Variants in TAFA1 observed in about 807,000 individuals in gnomAD.
TAFA1 encodes chemokine-like protein TAFA-1.
Under a neutral mutation model 18.5 loss-of-function variants are expected in TAFA1, and 4 were observed. The ratio of observed to expected loss-of-function variants is 0.22; its 90% CI spans 0.11 to 0.49. The LOEUF (loss-of-function observed/expected upper bound fraction) is 0.49, where lower values mean the gene tolerates loss of function less well. Among genes scored for constraint, TAFA1 ranks in the 20% least tolerant of loss-of-function variants. The pLI is 0.98. For synonymous variants in TAFA1, 56 were observed against 55.2 expected (o/e 1.01, Z -0.06); for missense variants, 147 against 169.0 (o/e 0.87, Z 0.72).
At chr3:68,447,135 G>A (rs1288278214) in intron 3 of TAFA1, among the ~76,000 whole-genome samples, 1 of 152,148 alleles carries the variant, frequency 6.6e-6, no homozygotes, top group African/African-American at 2.4e-5. Flanking sequence ...AAGTGAGCTA[G>A]CATTTGTTAA....
At chr3:68,059,250 C>T (rs1367842990) in intron 2 of TAFA1, among the ~76,000 whole-genome samples, 1 of 152,028 alleles carries the variant, frequency 6.6e-6, no homozygotes, top group Non-Finnish European at 1.5e-5. Flanking sequence ...ACTAATCACA[C>T]ACTAATCACA....
At chr3:68,316,684 A>T (rs538109251) in intron 2 of TAFA1, among the ~76,000 whole-genome samples, 6 of 152,306 alleles carry the variant, frequency 3.9e-5, no homozygotes, top group African/African-American at 1.4e-4. Flanking sequence ...CACTTTGTAC[A>T]TGCCTGATGC....
intron 2 of TAFA1, among the ~76,000 whole-genome samples, chr3:68,221,617 G>T (rs1382626157): frequency 6.6e-6 from 1 of 151,946 alleles, no homozygotes; most frequent in Non-Finnish European, 1.5e-5. Context: ...AGAACAACTG[G>T]GGTAAAATTT....
chr3:68,050,959 T>G (rs2064464198), intron 2 of TAFA1, among the ~76,000 whole-genome samples: 1 of 152,184 alleles, frequency 6.6e-6, no homozygotes, highest in Non-Finnish European at 1.5e-5. Flanking sequence ...TACAGCTGCA[T>G]AATGTGAGAA....
chr3:68,539,688 T>TGGG (rs1184533157), intron 4 of TAFA1, among the ~76,000 whole-genome samples: 9 of 12,452 alleles, frequency 7.2e-4, no homozygotes, highest in African/African-American at 3.5e-3. Context: ...TGGGGGGGCA[T>TGGG]GGGGTGGGTG....
intron 3 of TAFA1, among the ~76,000 whole-genome samples, chr3:68,420,208 A>G (rs1365334715): frequency 6.6e-6 from 1 of 152,156 alleles, no homozygotes; most frequent in African/African-American, 2.4e-5. Context: ...CAGAGGAGCA[A>G]GCTTATGTGG....
intron 3 of TAFA1, among the ~76,000 whole-genome samples, chr3:68,510,059 C>T (rs1400851982): frequency 1.3e-5 from 2 of 152,198 alleles, no homozygotes; most frequent in Middle Eastern, 3.4e-3. Context: ...AATGGTCTGT[C>T]CCCATCTCTT....
intron 2 of TAFA1, among the ~76,000 whole-genome samples, chr3:68,176,446 C>T (rs2066127503): frequency 6.6e-6 from 1 of 152,188 alleles, no homozygotes; most frequent in Non-Finnish European, 1.5e-5. Context: ...TGCACCACTG[C>T]ACTCCAGCCT....
chr3:68,255,808 T>C (rs911546202), intron 2 of TAFA1, among the ~76,000 whole-genome samples: 2 of 152,114 alleles, frequency 1.3e-5, no homozygotes, highest in Non-Finnish European at 2.9e-5. Flanking sequence ...GATGGGCTAA[T>C]AGGAAGTGGA....
intron 2 of TAFA1, among the ~76,000 whole-genome samples, chr3:68,270,334 A>G (rs562019742): frequency 4.5e-4 from 69 of 152,232 alleles, no homozygotes; most frequent in African/African-American, 1.6e-3. Flanking sequence ...ATAGCTTCTA[A>G]TATTTTGAGA....
chr3:68,081,273 T>C lies in TAFA1; in HGVS notation c.118+74529T>C, dbSNP rs2064895551. ...TTTGGTTTGAATGTCCTCCCATAGCTCAGAGTAATTTGATCGTCTGAAGCC... is the reference window on the plus strand; with the variant it reads ...TTTGGTTTGAATGTCCTCCCATAGCCCAGAGTAATTTGATCGTCTGAAGCC... On this transcript the variant is annotated intron_variant, in intron 2 of 4. Transcript: ENST00000478136. 3.9e-5 allele frequency among the ~76,000 whole-genome samples: 6 copies of C among 152,254 alleles called. No individual in the cohort carries two copies. In the South Asian group the frequency reaches 1.2e-3, roughly 32 times the overall value.
At chr3:68,539,690 GGGT>G (rs1559711700) in intron 4 of TAFA1, among the ~76,000 whole-genome samples, 7 of 95,292 alleles carry the variant, frequency 7.3e-5, no homozygotes, top group Non-Finnish European at 1.1e-4. Flanking sequence ...GGGGGGCATG[GGGT>G]GGGTGGGTGG....
At chr3:68,079,263 G>C (rs74685871) in intron 2 of TAFA1, among the ~76,000 whole-genome samples, 45 of 152,108 alleles carry the variant, frequency 3.0e-4, no homozygotes, top group Non-Finnish European at 5.1e-4. Context: ...CAAAAAACCA[G>C]CTCCTGGATT....
intron 2 of TAFA1, among the ~76,000 whole-genome samples, chr3:68,079,457 T>C (rs1258174817): frequency 6.6e-6 from 1 of 152,232 alleles, no homozygotes; most frequent in Non-Finnish European, 1.5e-5. Context: ...TTTAATGCTA[T>C]AAATTTCCCT....
intron 2 of TAFA1, among the ~76,000 whole-genome samples, chr3:68,308,809 ACACT>A (rs1257648617): frequency 4.2e-4 from 64 of 152,230 alleles, no homozygotes; most frequent in African/African-American, 1.5e-3. Flanking sequence ...AAACACACAC[ACACT>A]CACTCACTCA....
At chr3:68,107,089 G>T (rs1211195169) in intron 2 of TAFA1, among the ~76,000 whole-genome samples, 1 of 152,130 alleles carries the variant, frequency 6.6e-6, no homozygotes, top group African/African-American at 2.4e-5. Context: ...AACATTACCA[G>T]TTCATAGGAG....
At chr3:68,459,791 T>C (rs1351404951) in intron 3 of TAFA1, among the ~76,000 whole-genome samples, 1 of 152,166 alleles carries the variant, frequency 6.6e-6, no homozygotes, top group Non-Finnish European at 1.5e-5. Flanking sequence ...TCATCCCCAG[T>C]GAAAGAAAAG....
intron 3 of TAFA1, among the ~76,000 whole-genome samples, chr3:68,451,441 A>G (rs2071565374): frequency 6.6e-6 from 1 of 152,310 alleles, no homozygotes; most frequent in African/African-American, 2.4e-5. Flanking sequence ...AAGACAAAGT[A>G]AACGACTAAT....
chr3:68,428,464 C>T (rs1387693315), intron 3 of TAFA1, among the ~76,000 whole-genome samples: 1 of 151,850 alleles, frequency 6.6e-6, no homozygotes, highest in Non-Finnish European at 1.5e-5. Context: ...GCCTCCTACC[C>T]TGCATAGGTG....
Sources: gnomAD v4.1 joint callset for allele counts (sites outside exome capture counted in the v4.1 genomes callset) on GRCh38, gnomAD v4.1.1 for gene constraint, MANE v1.5 for transcripts, NCBI Gene and HGNC (gene_info 2026-07-23, HGNC 2026-07-21) for gene names.